The following ERVK3-1 variants were observed in gnomAD, a reference collection of about 807,000 sequenced individuals.
The protein encoded by ERVK3-1 is endogenous retrovirus group K3 member 1.
In ERVK3-1 at chr19:58,310,576, C is replaced by T. The variant is rs2051550420; in HGVS notation, c.-3-1590C>T. 6.4e-6 allele frequency: 1 copy of T among 155,622 alleles called. No homozygotes were observed. The highest frequency in any genetic ancestry group is 2.4e-5 in the African/African-American group (1 of 41,512). 9.6% of individuals were successfully genotyped at this position (155,622 alleles called of 1,614,324 possible). ...GAGGGAGAGGAGACAGAGAGAAAGA[C>T]AGCTTACGCCATTATTTCTGCATAT... On this transcript the variant is annotated intron_variant, in intron 2 of 3. Transcript: ENST00000413518. This position sits in a 1 kb window ranked among gnomAD's most constrained non-coding sequence, Gnocchi z 4.7.
chr19:58,310,527 T>A lies in ERVK3-1; in HGVS notation c.-3-1639T>A, dbSNP rs1461196451. ...ATGTGTCCACTGGTCAGGGGGCCCT[T>A]CCCTGCCTGGCAGCCGAGGCAGAGA... On this transcript the variant is annotated intron_variant, in intron 2 of 3. Transcript: ENST00000413518. This position sits in a 1 kb window ranked among gnomAD's most constrained non-coding sequence, Gnocchi z 4.7. The A allele has an allele frequency of 1.9e-5, 3 of 156,122 alleles. No homozygotes were observed. Among genetic ancestry groups the A allele is most frequent in the Non-Finnish European group, 4.3e-5 (3 of 70,380 alleles). 9.7% of individuals were successfully genotyped at this position (156,122 alleles called of 1,614,324 possible). A position where few individuals can be genotyped will look rare whatever the true frequency, so the allele number is the denominator to read the frequency against.
At chr19:58,314,451 C>T (rs1048765926) in intron 3 of ERVK3-1, among the ~76,000 whole-genome samples, 8 of 151,688 alleles carry the variant, frequency 5.3e-5, no homozygotes, top group African/African-American at 1.9e-4. Flanking sequence ...ACAGTGAAAC[C>T]CCATCTCTAC....
downstream of ERVK3-1, among the ~76,000 whole-genome samples, chr19:58,316,553 C>G (rs2147973819): frequency 6.6e-6 from 1 of 152,318 alleles, no homozygotes; most frequent in East Asian, 1.9e-4. Context: ...TGCCTGTAAT[C>G]CCAGCTACTC....
In ERVK3-1 at chr19:58,313,645, C is replaced by T. The variant is rs953961978; in HGVS notation, c.295-1103C>T. Reference sequence around the variant, plus strand: ...TAGCATCTAAGAAGGACCAACTCCACGTAAACATCACCCAGTTGACTTGTG... The same window carrying T: ...TAGCATCTAAGAAGGACCAACTCCATGTAAACATCACCCAGTTGACTTGTG... On this transcript the variant is annotated intron_variant, in intron 3 of 3. Transcript: ENST00000413518. This position sits in a 1 kb window ranked among gnomAD's most constrained non-coding sequence, Gnocchi z 4.5. Among the ~76,000 whole-genome samples, 7 of 152,156 alleles carry T rather than the reference C, an allele frequency of 4.6e-5. No individual in the cohort carries two copies. The highest frequency in any genetic ancestry group is 7.2e-5 in the African/African-American group (3 of 41,438).
chr19:58,310,825 A>G lies in ERVK3-1; in HGVS notation c.-3-1341A>G. 2.7e-6 allele frequency: 1 copy of G among 374,178 alleles called. No individual in the cohort carries two copies. Among genetic ancestry groups the G allele is most frequent in the African/African-American group, 2.1e-5 (1 of 47,336 alleles). 23.2% of individuals were successfully genotyped at this position (374,178 alleles called of 1,614,324 possible). Reference sequence around the variant, plus strand: ...TCTCTAACCTCCCCCAGGGAAAGGGAGACCGCCCCCCACCCTTTCCCGGTC... The same window carrying G: ...TCTCTAACCTCCCCCAGGGAAAGGGGGACCGCCCCCCACCCTTTCCCGGTC... On this transcript the variant is annotated intron_variant, in intron 2 of 3. Transcript: ENST00000413518. This position sits in a 1 kb window ranked among gnomAD's most constrained non-coding sequence, Gnocchi z 4.7.
downstream of ERVK3-1, among the ~76,000 whole-genome samples, chr19:58,316,172 C>T (rs189731428): frequency 1.3e-5 from 2 of 152,328 alleles, no homozygotes; most frequent in East Asian, 3.9e-4. Flanking sequence ...CCTGCTTCTG[C>T]TGCCTTCATT....
At chr19:58,305,861 C>T (rs1455794897) in intron 1 of ERVK3-1, among the ~76,000 whole-genome samples, 1 of 152,208 alleles carries the variant, frequency 6.6e-6, no homozygotes, top group Non-Finnish European at 1.5e-5. Flanking sequence ...ACAGGAACAT[C>T]TGGAACCTGC....
chr19:58,314,369 A>G (rs904197474), intron 3 of ERVK3-1, among the ~76,000 whole-genome samples: 4 of 152,114 alleles, frequency 2.6e-5, no homozygotes, highest in African/African-American at 4.8e-5. Flanking sequence ...GCTCACGCCT[A>G]TAATCCCAGC....
intron 2 of ERVK3-1, among the ~76,000 whole-genome samples, chr19:58,307,649 GAAAAA>G (rs968681116): frequency 1.0e-5 from 1 of 95,530 alleles, no homozygotes; most frequent in Admixed American, 1.4e-4. Context: ...CACACACACA[GAAAAA>G]AAAACACCAG....
At chr19:58,316,755 C>G (rs73570633), downstream of ERVK3-1, among the ~76,000 whole-genome samples, 18,245 of 152,218 alleles carry the variant, frequency 0.12, 1,588 homozygotes, top group African/African-American at 0.22. Flanking sequence ...AGGTACCTAT[C>G]TAACAAGAGA....
In ERVK3-1 at chr19:58,313,978, A is replaced by C. The variant is rs905691343; in HGVS notation, c.295-770A>C. Among the ~76,000 whole-genome samples, 3 of 152,258 alleles carry C rather than the reference A, an allele frequency of 2.0e-5. No individual in the cohort carries two copies. Among genetic ancestry groups the C allele is most frequent in the African/African-American group, 7.2e-5 (3 of 41,474 alleles). Reference sequence around the variant, plus strand: ...CAGCCCAATATGTAGAAAATTGGACATGTACAGCCAACCAGGCATGGATGC... The same window carrying C: ...CAGCCCAATATGTAGAAAATTGGACCTGTACAGCCAACCAGGCATGGATGC... On this transcript the variant is annotated intron_variant, in intron 3 of 3. Transcript: ENST00000413518. This position sits in a 1 kb window ranked among gnomAD's most constrained non-coding sequence, Gnocchi z 4.5.
Position 58,312,205 on chromosome 19 carries a change from G to A in ERVK3-1, c.37G>A (p.Asp13Asn). Residue 13 changes from aspartate (D) to asparagine (N), a missense_variant, in exon 3 of 4, where the codon GAC (aspartate) becomes AAC (asparagine). Asp to Asn is a conservative substitution (Grantham distance 23). Transcript: ENST00000413518. This position sits in a 1 kb window ranked among gnomAD's most constrained non-coding sequence, Gnocchi z 4.7. The stretch of plus-strand genomic sequence containing the variant: ...GTGTGGGTGCCCTCCAGGTGTGTGT[G>A]ACCATGGAACGGGAGACCGGAGGGA... 1 of 400,154 alleles carries A rather than the reference G, an allele frequency of 2.5e-6. No individual in the cohort carries two copies. Among genetic ancestry groups the A allele is most frequent in the Non-Finnish European group, 4.4e-6 (1 of 226,084 alleles). 24.8% of individuals were successfully genotyped at this position (400,154 alleles called of 1,614,324 possible).
At chr19:58,305,651 C>T (rs1241507748) in intron 1 of ERVK3-1, among the ~76,000 whole-genome samples, 2 of 152,256 alleles carry the variant, frequency 1.3e-5, no homozygotes, top group African/African-American at 2.4e-5. Flanking sequence ...CTTATGCGCC[C>T]GTGGGAGGGG....
At chr19:58,305,478 T>C (rs1311872887) in intron 1 of ERVK3-1, 33 bp downstream of exon 1, 1 of 152,244 alleles carries the variant, frequency 6.6e-6, no homozygotes, top group East Asian at 1.9e-4. Context: ...GCGAGGGTGA[T>C]TGTGAGGGAT....
chr19:58,313,232 A>G lies in ERVK3-1; in HGVS notation c.294+770A>G, dbSNP rs2051568385. 1 of 152,190 alleles carries G rather than the reference A, an allele frequency of 6.6e-6. No individual in the cohort carries two copies. The highest frequency in any genetic ancestry group is 1.5e-5 in the Non-Finnish European group (1 of 68,026). 9.4% of individuals were successfully genotyped at this position (152,190 alleles called of 1,614,324 possible). On this transcript the variant is annotated intron_variant, in intron 3 of 3. Transcript: ENST00000413518. This position sits in a 1 kb window ranked among gnomAD's most constrained non-coding sequence, Gnocchi z 4.5. ...AGTAATATTACTCAACACAGTTTTA[A>G]TATCACCTTTGTAAAAAATATTACC...
chr19:58,316,497 C>T (rs1283595417), downstream of ERVK3-1, among the ~76,000 whole-genome samples: 1 of 152,032 alleles, frequency 6.6e-6, no homozygotes, highest in Non-Finnish European at 1.5e-5. Flanking sequence ...TGGTGAAACC[C>T]TGTCTCTACT....
rs1418612856 is a variant in ERVK3-1, at chr19:58,307,045, G to A, written c.-4+829G>A. Reference sequence around the variant, plus strand: ...AGACCAGGCTAGACAGAATCTCACCGCTGGACATGGGAACATTACAGAGGA... The same window carrying A: ...AGACCAGGCTAGACAGAATCTCACCACTGGACATGGGAACATTACAGAGGA... On this transcript the variant is annotated intron_variant, in intron 2 of 3. Transcript: ENST00000413518. 2.0e-5 allele frequency among the ~76,000 whole-genome samples: 3 copies of A among 152,198 alleles called. No homozygotes were observed. In the South Asian group the frequency reaches 6.2e-4, roughly 31 times the overall value.
chr19:58,309,222 T>C (rs1206806686), intron 2 of ERVK3-1: 1 of 152,182 alleles, frequency 6.6e-6, no homozygotes, highest in East Asian at 1.9e-4. Flanking sequence ...ACCACCTACA[T>C]CATTCATTAT....
At chr19:58,316,330 C>T (rs886303738), downstream of ERVK3-1, among the ~76,000 whole-genome samples, 1 of 152,144 alleles carries the variant, frequency 6.6e-6, no homozygotes, top group South Asian at 2.1e-4. Context: ...TCTCTTTAAA[C>T]CCTCCATCAC....
Sources: allele counts gnomAD v4.1 joint callset (sites outside exome capture counted in the v4.1 genomes callset), GRCh38; gene constraint gnomAD v4.1.1; non-coding constraint Gnocchi (gnomAD v3.1); transcripts MANE v1.5; gene names NCBI Gene and HGNC (gene_info 2026-07-23, HGNC 2026-07-21).